Variants in NFIB observed in about 807,000 individuals in gnomAD.
The protein encoded by NFIB is nuclear factor 1 B-type.
NFIB carries 11 observed loss-of-function variants against 61.5 expected under a neutral mutation model. That is an observed-to-expected ratio of 0.18 (90% confidence interval 0.11 to 0.30). The LOEUF (loss-of-function observed/expected upper bound fraction) is 0.30, where lower values mean the gene tolerates loss of function less well. NFIB is among the 10% of genes least tolerant of loss of function. The pLI is 1.00. For missense variants in NFIB, 471 were observed against 608.9 expected (o/e 0.77, Z 2.38); for synonymous variants, 260 against 216.5 (o/e 1.20, Z -1.76).
the NFIB span, among the ~76,000 whole-genome samples, chr9:14,424,040 C>T: frequency 6.6e-6 from 1 of 152,070 alleles, no homozygotes; most frequent in Admixed American, 6.5e-5. Flanking sequence ...GCTGGGTATG[C>T]TTGCTTGTTT....
At chr9:14,112,008 T>C (rs2037450360) in intron 10 of NFIB, among the ~76,000 whole-genome samples, 1 of 152,168 alleles carries the variant, frequency 6.6e-6, no homozygotes, top group South Asian at 2.1e-4. Context: ...AGATCAAGAA[T>C]GAAGTAAGTG....
the NFIB span, among the ~76,000 whole-genome samples, chr9:14,406,270 C>A: frequency 2.0e-5 from 3 of 152,192 alleles, no homozygotes; most frequent in African/African-American, 7.2e-5. Flanking sequence ...AAATATGACA[C>A]CTTCACCAGT....
At position 14,116,333 on chromosome 9, in the gene NFIB, C is replaced by G; in HGVS notation, c.1259G>C (p.Gly420Ala). 6.6e-7 allele frequency: 1 copy of G among 1,517,492 alleles called. No homozygotes were observed. Among genetic ancestry groups the G allele is most frequent in the South Asian group, 1.3e-5 (1 of 77,568 alleles). The allele number at this position is 1,517,492 out of a possible 1,614,324, so 94.0% of individuals were successfully genotyped here. Reference protein sequence around the residue: ...SPQTSQPNGSGQVVGKVPGHF... With the variant: ...SPQTSQPNGSAQVVGKVPGHF... ...GCCAGGCACTTTCCCTACTACTTGA[C>G]CACTGCCGTTAGGCTACAAAACAAA... The change falls in exon 9 of 11, where the codon GGT becomes GCT. Residue 420 changes from glycine (G) to alanine (A), a missense_variant. Transcript: ENST00000380953.
chr9:14,465,882 C>A, the NFIB span, among the ~76,000 whole-genome samples: 1 of 152,182 alleles, frequency 6.6e-6, no homozygotes, highest in Non-Finnish European at 1.5e-5. Flanking sequence ...TACTCCCTCT[C>A]CCAGTTGTGA....
upstream of NFIB, among the ~76,000 whole-genome samples, chr9:14,399,495 T>G (rs909209946): frequency 2.0e-5 from 3 of 152,202 alleles, no homozygotes; most frequent in African/African-American, 4.8e-5. Context: ...GCAAAAAATT[T>G]GCAAGTAATC....
chr9:14,382,451 G>C (rs1487586561), intron 1 of NFIB, among the ~76,000 whole-genome samples: 3 of 152,130 alleles, frequency 2.0e-5, no homozygotes, highest in African/African-American at 7.2e-5. Context: ...TAGAATATAA[G>C]TAAGTACTGT....
At chr9:14,131,191 ATGACTT>A (rs2040361257) in intron 6 of NFIB, among the ~76,000 whole-genome samples, 1 of 152,218 alleles carries the variant, frequency 6.6e-6, no homozygotes. Context: ...AAAATTAGCT[ATGACTT>A]TAGAAACTCA....
At chr9:14,091,342 T>C (rs898294585) in intron 10 of NFIB, among the ~76,000 whole-genome samples, 1 of 152,028 alleles carries the variant, frequency 6.6e-6, no homozygotes, top group Non-Finnish European at 1.5e-5. Context: ...GATTATTTAA[T>C]TTCAAAAATG....
rs374604028 is a variant in NFIB at position 14,148,884 on chromosome 9, A to G, written c.806+1261T>C. 3.0e-4 allele frequency among the ~76,000 whole-genome samples: 46 copies of G among 152,288 alleles called. No individual in the cohort carries two copies. The East Asian group carries it at 6.8e-3, about 22-fold the overall frequency. On this transcript the variant is annotated intron_variant, in intron 5 of 10. Coordinates refer to ENST00000380953, the MANE Select transcript of NFIB (RefSeq NM_001190737.2). ...ACCTTACATTTTAACTCTCTTTTAA[A>G]CATATTCTCTCATCTATGAGTCAGC...
intron 1 of NFIB, among the ~76,000 whole-genome samples, chr9:14,350,516 G>A (rs1161789893): frequency 1.3e-5 from 2 of 151,868 alleles, no homozygotes; most frequent in Admixed American, 6.6e-5. Flanking sequence ...GGGTGGGGTG[G>A]GGGGGGAAGT....
the NFIB span, among the ~76,000 whole-genome samples, chr9:14,437,454 G>A: frequency 2.2e-4 from 33 of 152,232 alleles, no homozygotes; most frequent in African/African-American, 7.0e-4. Flanking sequence ...CTGCTTGTGC[G>A]GGACATTAAA....
chr9:14,429,075 C>G, the NFIB span, among the ~76,000 whole-genome samples: 1 of 152,156 alleles, frequency 6.6e-6, no homozygotes, highest in East Asian at 1.9e-4. Flanking sequence ...GCCGCATGAC[C>G]TGCAATCAAA....
intron 10 of NFIB, among the ~76,000 whole-genome samples, chr9:14,100,909 T>C (rs2035683137): frequency 1.3e-5 from 2 of 152,180 alleles, no homozygotes; most frequent in Non-Finnish European, 1.5e-5. Flanking sequence ...GTTATAAATA[T>C]GGTAAGCTTG....
At chr9:14,116,868 A>C (rs1486368286) in intron 8 of NFIB, among the ~76,000 whole-genome samples, 2 of 152,238 alleles carry the variant, frequency 1.3e-5, no homozygotes, top group African/African-American at 2.4e-5. Context: ...TTCATCATTT[A>C]CAGTCAAGAA....
the NFIB span, among the ~76,000 whole-genome samples, chr9:14,404,556 G>A: frequency 6.6e-6 from 1 of 152,150 alleles, no homozygotes; most frequent in African/African-American, 2.4e-5. Flanking sequence ...GATTCCCCAT[G>A]TTTATTTGGA....
At chr9:14,222,819 A>C (rs1490530865) in intron 2 of NFIB, among the ~76,000 whole-genome samples, 1 of 148,298 alleles carries the variant, frequency 6.7e-6, no homozygotes, top group African/African-American at 2.5e-5. Flanking sequence ...AGAAAGAAAG[A>C]AAAGAAAAAG....
At chr9:14,351,172 T>TA (rs1189152126) in intron 1 of NFIB, among the ~76,000 whole-genome samples, 1 of 152,222 alleles carries the variant, frequency 6.6e-6, no homozygotes, top group Admixed American at 6.5e-5. Context: ...CTGCACCTCC[T>TA]ATGGTCCAGT....
intron 2 of NFIB, among the ~76,000 whole-genome samples, chr9:14,299,195 T>C (rs1332329801): frequency 6.6e-6 from 1 of 152,208 alleles, no homozygotes; most frequent in Non-Finnish European, 1.5e-5. Context: ...GTGCTCATGA[T>C]TAGATTTTTT....
rs534644789 is a variant in NFIB at position 14,234,966 on chromosome 9, A to AAT, written c.563-55188_563-55187dup. ...ATTTGGTCTTTTTGAACAAATGTTG[A>AAT]ATAACCAAATCTTTTAGACTTTTAA... On this transcript the variant is annotated intron_variant, in intron 2 of 10. Transcript: ENST00000380953. Among the ~76,000 whole-genome samples the AAT allele has an allele frequency of 1.3e-3, 193 of 152,250 alleles. 1 individual carries two copies. Among genetic ancestry groups the AAT allele is most frequent in the Non-Finnish European group, 7.4e-4 (50 of 68,012 alleles).
Sources: allele counts gnomAD v4.1 joint callset (sites outside exome capture counted in the v4.1 genomes callset), GRCh38; gene constraint gnomAD v4.1.1; transcripts MANE v1.5; gene names NCBI Gene and HGNC (gene_info 2026-07-23, HGNC 2026-07-21).